ROBO2: variants seen among roughly 807,000 people sequenced by gnomAD.
ROBO2 encodes the protein roundabout guidance receptor 2, also known as roundabout homolog 2.
ROBO2 carries 53 observed loss-of-function variants against 160.8 expected under a neutral mutation model. The ratio of observed to expected loss-of-function variants is 0.33; its 90% CI spans 0.26 to 0.41. ROBO2 has a LOEUF of 0.41. ROBO2 is among the 10% of genes least tolerant of loss of function. The probability of loss-of-function intolerance (pLI) is 1.00; values close to 1 mark genes in which losing one functional copy is unlikely to be tolerated. For missense variants in ROBO2, 1,577 were observed against 1,722.4 expected, an observed-to-expected ratio of 0.92 and a Z score of 1.49; for synonymous variants, 664 against 611.7, an observed-to-expected ratio of 1.09 and a Z score of -1.26.
intron 2 of ROBO2, among the ~76,000 whole-genome samples, chr3:76,651,617 A>G (rs2091262782): frequency 6.8e-6 from 1 of 147,934 alleles, no homozygotes; most frequent in East Asian, 1.9e-4. Flanking sequence ...TTTGACATTA[A>G]AAAAAAAAAG....
chr3:76,592,636 T>C (rs2086486673), intron 2 of ROBO2, among the ~76,000 whole-genome samples: 1 of 152,102 alleles, frequency 6.6e-6, no homozygotes, highest in Non-Finnish European at 1.5e-5. Flanking sequence ...AACAAATTAC[T>C]ACCAAATTAG....
intron 2 of ROBO2, among the ~76,000 whole-genome samples, chr3:76,517,720 A>G (rs911746823): frequency 5.3e-5 from 8 of 152,188 alleles, no homozygotes; most frequent in Admixed American, 1.3e-4. Flanking sequence ...AACTTGCTAC[A>G]GTTAAAATGA....
intron 2 of ROBO2, among the ~76,000 whole-genome samples, chr3:76,816,350 A>G (rs2065664615): frequency 6.6e-6 from 1 of 152,104 alleles, no homozygotes; most frequent in African/African-American, 2.4e-5. Context: ...AATGTACATG[A>G]CAAATTGTTA....
intron 2 of ROBO2, among the ~76,000 whole-genome samples, chr3:76,323,138 T>C (rs1216100380): frequency 6.9e-6 from 1 of 143,956 alleles, no homozygotes; most frequent in Non-Finnish European, 1.5e-5. Flanking sequence ...TTGTTAGTAT[T>C]ACACACACAC....
chr3:76,072,493 T>G (rs539090067), intron 2 of ROBO2, among the ~76,000 whole-genome samples: 56 of 152,242 alleles, frequency 3.7e-4, no homozygotes, highest in African/African-American at 1.3e-3. Flanking sequence ...ATAAGGCCTT[T>G]TCTTTATATA....
At chr3:77,122,226 G>GGT (rs149681390) in intron 2 of ROBO2, among the ~76,000 whole-genome samples, 5,174 of 152,042 alleles carry the variant, frequency 0.034, 120 homozygotes, top group South Asian at 0.089. Flanking sequence ...AACACTGAAA[G>GGT]GTGTGTGTGT....
At chr3:77,368,631 G>A (rs1195375031) in intron 2 of ROBO2, among the ~76,000 whole-genome samples, 1 of 152,194 alleles carries the variant, frequency 6.6e-6, no homozygotes, top group Non-Finnish European at 1.5e-5. Flanking sequence ...CACTTCAGGT[G>A]CAAACACATT....
intron 2 of ROBO2, among the ~76,000 whole-genome samples, chr3:76,819,572 A>G (rs1382988582): frequency 6.6e-6 from 1 of 152,040 alleles, no homozygotes; most frequent in East Asian, 1.9e-4. Context: ...CATGGTGGTG[A>G]TCTCTGGGTC....
chr3:76,109,866 T>C (rs1377390629), intron 2 of ROBO2, among the ~76,000 whole-genome samples: 1 of 151,988 alleles, frequency 6.6e-6, no homozygotes, highest in Non-Finnish European at 1.5e-5. Context: ...TTCTACTCTA[T>C]ATGTCTATGT....
chr3:77,070,128 C>G (rs1288970148), intron 1 of ROBO2, among the ~76,000 whole-genome samples: 2 of 152,054 alleles, frequency 1.3e-5, no homozygotes, highest in African/African-American at 4.8e-5. Flanking sequence ...CAGCAAGCCC[C>G]CAGAAGCTGG....
chr3:76,875,021 A>G (rs1247268622), intron 2 of ROBO2, among the ~76,000 whole-genome samples: 11 of 152,208 alleles, frequency 7.2e-5, no homozygotes, highest in Admixed American at 7.2e-4. Context: ...TGTTGAATGA[A>G]ACTAATGGCC....
intron 2 of ROBO2, among the ~76,000 whole-genome samples, chr3:76,705,992 T>G (rs1210793572): frequency 2.6e-5 from 4 of 152,140 alleles, no homozygotes; most frequent in African/African-American, 9.6e-5. Flanking sequence ...AAAAAGACTT[T>G]CATTAACATA....
At chr3:77,308,964 C>T (rs1014009552) in intron 2 of ROBO2, among the ~76,000 whole-genome samples, 9 of 151,962 alleles carry the variant, frequency 5.9e-5, no homozygotes, top group African/African-American at 2.2e-4. Flanking sequence ...TTTTCTCGAC[C>T]ATAAATCAAG....
chr3:76,800,665 C>T (rs1398717930), intron 2 of ROBO2, among the ~76,000 whole-genome samples: 1 of 152,098 alleles, frequency 6.6e-6, no homozygotes, highest in African/African-American at 2.4e-5. Context: ...ATTAAAACTA[C>T]AGTGAGCTAC....
intron 2 of ROBO2, among the ~76,000 whole-genome samples, chr3:77,125,834 T>A (rs547337768): frequency 5.2e-4 from 79 of 152,280 alleles, no homozygotes; most frequent in Non-Finnish European, 8.2e-4. Flanking sequence ...GTAATTCATA[T>A]CATAAAATAA....
chr3:77,557,682 C>T (rs897311084), intron 8 of ROBO2, among the ~76,000 whole-genome samples: 1 of 151,436 alleles, frequency 6.6e-6, no homozygotes, highest in Non-Finnish European at 1.5e-5. Flanking sequence ...TATCTCAATG[C>T]CATTTTAATT....
At chr3:76,909,080 T>C (rs545083153) in intron 2 of ROBO2, among the ~76,000 whole-genome samples, 41 of 152,224 alleles carry the variant, frequency 2.7e-4, no homozygotes, top group African/African-American at 9.9e-4. Flanking sequence ...TTAAATTAGC[T>C]GGGCTTAGTG....
chr3:76,402,850 C>A (rs192584647), intron 2 of ROBO2, among the ~76,000 whole-genome samples: 2 of 151,636 alleles, frequency 1.3e-5, no homozygotes, highest in African/African-American at 2.4e-5. Context: ...TTAGATTGGG[C>A]TCACCCAGAT....
intron 2 of ROBO2, among the ~76,000 whole-genome samples, chr3:76,509,432 A>T (rs1328099366): frequency 6.6e-6 from 1 of 152,170 alleles, no homozygotes; most frequent in African/African-American, 2.4e-5. Context: ...ATAACTGCTT[A>T]TGGTCCCAGA....
Sources: gnomAD v4.1 joint callset for allele counts (sites outside exome capture counted in the v4.1 genomes callset) on GRCh38, gnomAD v4.1.1 for gene constraint, MANE v1.5 for transcripts, NCBI Gene and HGNC (gene_info 2026-07-23, HGNC 2026-07-21) for gene names.